Variants in EEIG2 observed in about 807,000 individuals in gnomAD.
EEIG2 encodes EEIG family member 2, also known as family with sequence similarity 102 member B.
At chr1:108,596,249 C>A in the EEIG2 span, among the ~76,000 whole-genome samples, 1 of 151,282 alleles carries the variant, frequency 6.6e-6, no homozygotes. Context: ...TTAGATTATT[C>A]AGTACTTGAC....
the EEIG2 span, among the ~76,000 whole-genome samples, chr1:108,600,235 G>A: frequency 1.4e-4 from 21 of 152,094 alleles, no homozygotes; most frequent in Non-Finnish European, 2.1e-4. Flanking sequence ...CTCTGTCCTC[G>A]TCTTTATGTT....
chr1:108,600,738 G>C, the EEIG2 span: 1 of 1,545,082 alleles, frequency 6.5e-7, no homozygotes, highest in Non-Finnish European at 8.8e-7. Flanking sequence ...AATTAGTTCC[G>C]TAGTCACTGG....
chr1:108,586,150 T>G, the EEIG2 span, among the ~76,000 whole-genome samples: 25 of 152,202 alleles, frequency 1.6e-4, no homozygotes, highest in Middle Eastern at 0.01. Flanking sequence ...TTACTCTCAG[T>G]AGCTTTCATT....
chr1:108,600,950 GTATA>G, the EEIG2 span, among the ~76,000 whole-genome samples: 9 of 152,086 alleles, frequency 5.9e-5, no homozygotes, highest in African/African-American at 2.2e-4. Context: ...TTTGGGGACT[GTATA>G]TATCTATATC....
At chr1:108,564,914 C>T in the EEIG2 span, among the ~76,000 whole-genome samples, 20,476 of 151,782 alleles carry the variant, frequency 0.13, 2,016 homozygotes, top group African/African-American at 0.28. Context: ...CACCACTGCA[C>T]TCCAGCCTGG....
At chr1:108,585,271 T>C in the EEIG2 span, among the ~76,000 whole-genome samples, 3 of 152,086 alleles carry the variant, frequency 2.0e-5, no homozygotes, top group Non-Finnish European at 1.5e-5. Context: ...TAAGATAACT[T>C]ATATAAACCC....
the EEIG2 span, among the ~76,000 whole-genome samples, chr1:108,563,277 G>C: frequency 1.3e-5 from 2 of 152,156 alleles, no homozygotes; most frequent in Non-Finnish European, 2.9e-5. Flanking sequence ...GGCAGCCTAC[G>C]TGACCAGCCC....
the EEIG2 span, among the ~76,000 whole-genome samples, chr1:108,593,133 C>A: frequency 6.6e-6 from 1 of 151,862 alleles, no homozygotes; most frequent in Non-Finnish European, 1.5e-5. Flanking sequence ...ACTCAGCCTG[C>A]ATGACAGAGT....
the EEIG2 span, among the ~76,000 whole-genome samples, chr1:108,567,903 G>A: frequency 2.6e-5 from 4 of 152,106 alleles, no homozygotes; most frequent in Non-Finnish European, 4.4e-5. Context: ...GGAGACTGAG[G>A]TGGGAGAATC....
chr1:108,561,379 TAGAGAG>T, the EEIG2 span, among the ~76,000 whole-genome samples: 10 of 152,044 alleles, frequency 6.6e-5, no homozygotes, highest in Non-Finnish European at 1.2e-4. Context: ...AATATATACA[TAGAGAG>T]AGAAAACAAT....
the EEIG2 span, among the ~76,000 whole-genome samples, chr1:108,589,727 T>C: frequency 6.6e-6 from 1 of 151,546 alleles, no homozygotes; most frequent in Non-Finnish European, 1.5e-5. Context: ...TCTCCCTGAA[T>C]GGCCTTATCC....
chr1:108,580,484 T>G, the EEIG2 span, among the ~76,000 whole-genome samples: 1 of 152,218 alleles, frequency 6.6e-6, no homozygotes, highest in Admixed American at 6.5e-5. Flanking sequence ...AAAGCTGAGA[T>G]AGGCCAAAAG....
At chr1:108,637,518 C>T in the EEIG2 span, 1 of 151,958 alleles carries the variant, frequency 6.6e-6, no homozygotes, top group East Asian at 1.9e-4. Context: ...AACAAGTTCA[C>T]TTCTGTTTAT....
chr1:108,567,052 T>G, the EEIG2 span, among the ~76,000 whole-genome samples: 1 of 152,176 alleles, frequency 6.6e-6, no homozygotes, highest in Non-Finnish European at 1.5e-5. Flanking sequence ...GTTAATTGGC[T>G]TGGTTTAGCA....
At chr1:108,622,140 A>G in the EEIG2 span, among the ~76,000 whole-genome samples, 1 of 152,218 alleles carries the variant, frequency 6.6e-6, no homozygotes, top group Non-Finnish European at 1.5e-5. Context: ...CTGGGAAATG[A>G]GCGAAACTCC....
chr1:108,603,898 A>G, the EEIG2 span, among the ~76,000 whole-genome samples: 2 of 152,268 alleles, frequency 1.3e-5, no homozygotes, highest in African/African-American at 4.8e-5. Context: ...TGAAGAGAGC[A>G]TTGGTAAATT....
chr1:108,571,634 T>A, the EEIG2 span, among the ~76,000 whole-genome samples: 1 of 152,140 alleles, frequency 6.6e-6, no homozygotes, highest in Non-Finnish European at 1.5e-5. Context: ...AAATTTTCAG[T>A]GTGGATATGA....
At chr1:108,579,732 T>G in the EEIG2 span, among the ~76,000 whole-genome samples, 1 of 147,468 alleles carries the variant, frequency 6.8e-6, no homozygotes, top group African/African-American at 2.6e-5. Flanking sequence ...TTTTCCTTGT[T>G]TTTTTGGTGT....
At chr1:108,624,610 C>G in the EEIG2 span, 1 of 1,588,464 alleles carries the variant, frequency 6.3e-7, no homozygotes, top group Non-Finnish European at 8.6e-7. Flanking sequence ...TTTGAGGCTC[C>G]CCCACAACTC....
Sources: allele counts gnomAD v4.1 joint callset (sites outside exome capture counted in the v4.1 genomes callset), GRCh38; gene constraint gnomAD v4.1.1; transcripts MANE v1.5; gene names NCBI Gene and HGNC (gene_info 2026-07-23, HGNC 2026-07-21).